RBFOX1: variants seen among roughly 807,000 people sequenced by gnomAD.
RBFOX1 encodes RNA binding fox-1 homolog 1.
Under a neutral mutation model 57.7 loss-of-function variants are expected in RBFOX1, and 8 were observed. The observed-to-expected ratio is 0.14, with a 90% confidence interval of 0.08 to 0.25. RBFOX1 has a LOEUF of 0.25. Among genes scored for constraint, RBFOX1 ranks in the 10% least tolerant of loss-of-function variants. RBFOX1 has a pLI of 1.00. For missense variants in RBFOX1, 611 were observed against 548.5 expected, an observed-to-expected ratio of 1.11 and a Z score of -1.14; for synonymous variants, 326 against 222.4, an observed-to-expected ratio of 1.47 and a Z score of -4.15.
intron 2 of RBFOX1, among the ~76,000 whole-genome samples, chr16:5,512,674 G>A (rs1392501688): frequency 1.3e-5 from 2 of 152,140 alleles, no homozygotes; most frequent in Non-Finnish European, 2.9e-5. Context: ...AGTGCAGCAA[G>A]TTCCTGCATA....
intron 2 of RBFOX1, among the ~76,000 whole-genome samples, chr16:6,527,153 A>C (rs1403042822): frequency 1.3e-5 from 2 of 152,180 alleles, no homozygotes; most frequent in African/African-American, 4.8e-5. Flanking sequence ...TAAAACATTC[A>C]AAAATATAAA....
intron 4 of RBFOX1, among the ~76,000 whole-genome samples, chr16:7,316,691 G>A (rs192111057): frequency 3.9e-4 from 60 of 152,200 alleles, no homozygotes; most frequent in African/African-American, 1.3e-3. Flanking sequence ...CAGGGGTGAG[G>A]GAAGCTTTTT....
At position 7,432,710 on chromosome 16, in the gene RBFOX1, A is replaced by C. The variant is rs961578566; in HGVS notation, c.28-85437A>C. Among the ~76,000 whole-genome samples the C allele has an allele frequency of 2.0e-5, 3 of 152,306 alleles. No individual in the cohort carries two copies. In the East Asian group the frequency reaches 5.8e-4, roughly 29 times the overall value. On this transcript the variant is annotated intron_variant, in intron 4 of 15. Transcript: ENST00000550418. Reference sequence around the variant, plus strand: ...ACAGATGGTTGGCTGAATCTGGCCTATGGGCCATAGTTTGAGAGCCCTGTC... The same window carrying C: ...ACAGATGGTTGGCTGAATCTGGCCTCTGGGCCATAGTTTGAGAGCCCTGTC...
chr16:6,594,916 G>C (rs142856168), intron 2 of RBFOX1, among the ~76,000 whole-genome samples: 3,515 of 152,224 alleles, frequency 0.023, 149 homozygotes, highest in African/African-American at 0.079. Flanking sequence ...AGCGTCTGGA[G>C]TAGCTGGGAC....
intron 2 of RBFOX1, among the ~76,000 whole-genome samples, chr16:6,341,248 G>A (rs1197861466): frequency 1.3e-5 from 2 of 152,104 alleles, no homozygotes; most frequent in Non-Finnish European, 2.9e-5. Flanking sequence ...GCCACTAGAG[G>A]CTGCCTACAT....
intron 3 of RBFOX1, among the ~76,000 whole-genome samples, chr16:5,822,803 C>T (rs1385869981): frequency 6.6e-6 from 1 of 152,166 alleles, no homozygotes; most frequent in African/African-American, 2.4e-5. Flanking sequence ...GACTTTGGAA[C>T]CTAGCTGCCC....
chr16:6,706,657 C>G (rs748364423), intron 3 of RBFOX1, among the ~76,000 whole-genome samples: 4 of 151,234 alleles, frequency 2.6e-5, no homozygotes, highest in East Asian at 3.9e-4. Context: ...AACACTGTTA[C>G]ACTTTTGAGA....
intron 4 of RBFOX1, among the ~76,000 whole-genome samples, chr16:7,085,384 A>G (rs1219314555): frequency 9.2e-5 from 14 of 152,202 alleles, no homozygotes; most frequent in Non-Finnish European, 5.9e-5. Flanking sequence ...TGTGCAAGTT[A>G]TTTGAAATCT....
At chr16:6,690,372 C>A (rs946305799) in intron 3 of RBFOX1, among the ~76,000 whole-genome samples, 5 of 151,832 alleles carry the variant, frequency 3.3e-5, no homozygotes, top group African/African-American at 9.7e-5. Context: ...ATTCACAGAT[C>A]CATTCGTGAC....
intron 2 of RBFOX1, among the ~76,000 whole-genome samples, chr16:6,505,774 T>G (rs975476290): frequency 1.8e-4 from 27 of 152,212 alleles, no homozygotes; most frequent in Non-Finnish European, 7.3e-5. Flanking sequence ...GAGTGGTACA[T>G]AAGAGAATTC....
At chr16:6,876,716 T>G (rs1297773075) in intron 3 of RBFOX1, among the ~76,000 whole-genome samples, 1 of 152,154 alleles carries the variant, frequency 6.6e-6, no homozygotes, top group African/African-American at 2.4e-5. Context: ...TGCCGTCTGA[T>G]CAAGAGAGAA....
intron 1 of RBFOX1, among the ~76,000 whole-genome samples, chr16:5,423,084 G>A (rs1395326547): frequency 6.6e-5 from 9 of 136,556 alleles, no homozygotes; most frequent in African/African-American, 2.5e-4. Context: ...GGAAGGAGAG[G>A]GAGGAAGAGG....
At chr16:6,987,205 A>T (rs1389848642) in intron 3 of RBFOX1, among the ~76,000 whole-genome samples, 2 of 152,156 alleles carry the variant, frequency 1.3e-5, no homozygotes, top group African/African-American at 4.8e-5. Flanking sequence ...TTGATTACCC[A>T]TAATAACAAG....
At chr16:6,671,265 C>T (rs11077061) in intron 3 of RBFOX1, among the ~76,000 whole-genome samples, 1 of 151,984 alleles carries the variant, frequency 6.6e-6, no homozygotes, top group Non-Finnish European at 1.5e-5. Flanking sequence ...ATGCTCAGCA[C>T]AGAACATGAT....
At chr16:5,736,730 C>T (rs1476421611) in intron 3 of RBFOX1, among the ~76,000 whole-genome samples, 1 of 152,046 alleles carries the variant, frequency 6.6e-6, no homozygotes, top group Non-Finnish European at 1.5e-5. Flanking sequence ...CCCCTCCCCT[C>T]TCTCCATCTG....
At chr16:7,688,260 T>TGTGTGAGAGAGA (rs1319185243) in intron 14 of RBFOX1, among the ~76,000 whole-genome samples, 2 of 125,296 alleles carry the variant, frequency 1.6e-5, no homozygotes, top group African/African-American at 5.9e-5. Flanking sequence ...TGTGTGTGTG[T>TGTGTGAGAGAGA]GAGAGAGAGA....
chr16:6,138,967 T>A (rs922974615), intron 1 of RBFOX1, among the ~76,000 whole-genome samples: 1 of 151,994 alleles, frequency 6.6e-6, no homozygotes, highest in Non-Finnish European at 1.5e-5. Flanking sequence ...GAGGAGGGAG[T>A]CATACAAATG....
intron 4 of RBFOX1, among the ~76,000 whole-genome samples, chr16:6,002,361 G>C (rs2152330416): frequency 1.3e-5 from 2 of 152,316 alleles, no homozygotes; most frequent in South Asian, 4.1e-4. Context: ...TGGTACAGAG[G>C]AAATAGAGTT....
chr16:6,885,283 G>A (rs970703799), intron 3 of RBFOX1, among the ~76,000 whole-genome samples: 5 of 152,174 alleles, frequency 3.3e-5, no homozygotes, highest in Admixed American at 6.5e-5. Flanking sequence ...TGCTACAGAC[G>A]CGTGTTCTCT....
Sources: allele counts gnomAD v4.1 joint callset (sites outside exome capture counted in the v4.1 genomes callset), GRCh38; gene constraint gnomAD v4.1.1; transcripts MANE v1.5; gene names NCBI Gene and HGNC (gene_info 2026-07-23, HGNC 2026-07-21).